Variants in DGKI observed in about 807,000 individuals in gnomAD.
DGKI encodes the protein diacylglycerol kinase iota.
DGKI carries 55 observed loss-of-function variants against 147.5 expected under a neutral mutation model. That is an observed-to-expected ratio of 0.37 (90% CI 0.30 to 0.47). The LOEUF (loss-of-function observed/expected upper bound fraction) is 0.47, where lower values mean the gene tolerates loss of function less well. DGKI is among the 20% of genes least tolerant of loss of function. The pLI is 1.00. For missense variants in DGKI, 1,007 were observed against 1,323.8 expected (o/e 0.76, Z 3.71); for synonymous variants, 469 against 477.1 (o/e 0.98, Z 0.22).
chr7:137,608,446 T>C (rs551927617), intron 10 of DGKI, among the ~76,000 whole-genome samples: 56 of 152,310 alleles, frequency 3.7e-4, no homozygotes, highest in African/African-American at 1.3e-3. Context: ...ATCTGTACTA[T>C]TGGATTTGGG....
chr7:137,585,330 G>A lies in DGKI; in HGVS notation c.1442C>T (p.Pro481Leu). 6.2e-7 allele frequency: 1 copy of A among 1,614,156 alleles called. No homozygotes were observed. Among genetic ancestry groups the A allele is most frequent in the Non-Finnish European group, 8.5e-7 (1 of 1,180,012 alleles). ...CACTTGACACAGGATCTTAGAAACA[G>A]GTTCATCAGTGTAGCCCTGAGGAAT... ...LNWGGGYTDEPVSKILCQVED... is the reference protein window; with the variant it reads ...LNWGGGYTDELVSKILCQVED... Residue 481 changes from proline to leucine, a missense_variant, in exon 14 of 33, where the codon CCT becomes CTT. This residue lies in a region of DGKI where 224 missense variants were observed against 382.7 expected (regional missense o/e 0.59). Coordinates refer to ENST00000614521, the MANE Select transcript of DGKI (RefSeq NM_001321708.2).
At chr7:137,834,228 G>A (rs553452485) in intron 1 of DGKI, among the ~76,000 whole-genome samples, 24 of 152,200 alleles carry the variant, frequency 1.6e-4, no homozygotes, top group African/African-American at 4.3e-4. Flanking sequence ...CATTTCTATG[G>A]GTTTTATGCC....
chr7:137,672,407 A>G (rs1822873992), intron 3 of DGKI, among the ~76,000 whole-genome samples: 1 of 152,194 alleles, frequency 6.6e-6, no homozygotes, highest in Admixed American at 6.5e-5. Context: ...ATCAGAGATG[A>G]TGAGTATGAG....
rs566603026 is a variant in DGKI, at chr7:137,517,636, T to A, written c.2248+4230A>T. Reference sequence around the variant, plus strand: ...ACAATGAGAAAAACTGGGGGAGGAATGCACAGGAATGCCCTGTATTACCTT... The same window carrying A: ...ACAATGAGAAAAACTGGGGGAGGAAAGCACAGGAATGCCCTGTATTACCTT... On this transcript the variant is annotated intron_variant, in intron 21 of 32. Transcript: ENST00000614521. Among the ~76,000 whole-genome samples, 15 of 152,244 alleles carry A rather than the reference T, an allele frequency of 9.9e-5. No individual in the cohort carries two copies. The East Asian group carries it at 2.7e-3, about 27-fold the overall frequency.
At chr7:137,816,640 A>G (rs532710708) in intron 1 of DGKI, among the ~76,000 whole-genome samples, 42 of 152,358 alleles carry the variant, frequency 2.8e-4, no homozygotes, top group African/African-American at 9.9e-4. Context: ...GAGGAGAGAC[A>G]GATAATAAAA....
intron 18 of DGKI, 76 bp downstream of exon 18, chr7:137,572,689 C>A: frequency 9.8e-7 from 1 of 1,020,290 alleles, no homozygotes; most frequent in Non-Finnish European, 1.5e-6. Flanking sequence ...ACATCTGAAA[C>A]TTTTCTGTTA....
intron 6 of DGKI, among the ~76,000 whole-genome samples, chr7:137,629,159 C>T (rs1424975113): frequency 2.6e-5 from 4 of 151,690 alleles, no homozygotes; most frequent in Admixed American, 6.6e-5. Context: ...AATTTGCTTT[C>T]GTTAATATTT....
At chr7:137,545,180 G>T (rs949332690) in intron 20 of DGKI, among the ~76,000 whole-genome samples, 1 of 152,146 alleles carries the variant, frequency 6.6e-6, no homozygotes, top group African/African-American at 2.4e-5. Flanking sequence ...TATGGCCAAA[G>T]GTTGTTGGGA....
At chr7:137,712,974 C>T (rs1484212222) in intron 1 of DGKI, among the ~76,000 whole-genome samples, 1 of 152,092 alleles carries the variant, frequency 6.6e-6, no homozygotes, top group African/African-American at 2.4e-5. Flanking sequence ...CTTGGAATTT[C>T]TAAGTAACAA....
chr7:137,582,878 TTAAAG>T (rs1344310508), intron 14 of DGKI, among the ~76,000 whole-genome samples: 1 of 152,168 alleles, frequency 6.6e-6, no homozygotes, highest in African/African-American at 2.4e-5. Context: ...AAGGTAAATA[TTAAAG>T]TAAATAAAGA....
At chr7:137,672,867 G>A (rs987894550) in intron 3 of DGKI, among the ~76,000 whole-genome samples, 15 of 136,764 alleles carry the variant, frequency 1.1e-4, no homozygotes, top group Admixed American at 4.9e-4. Context: ...CGCAACCTCC[G>A]CCTCCTGGGT....
intron 6 of DGKI, among the ~76,000 whole-genome samples, chr7:137,629,917 C>G (rs888100743): frequency 9.2e-5 from 14 of 152,242 alleles, no homozygotes; most frequent in Middle Eastern, 3.4e-3. Flanking sequence ...CTTTGCAAAA[C>G]TAGGGTTTAT....
intron 23 of DGKI, among the ~76,000 whole-genome samples, chr7:137,477,243 C>G (rs996983605): frequency 6.6e-6 from 1 of 152,082 alleles, no homozygotes; most frequent in Non-Finnish European, 1.5e-5. Context: ...AACCCCAACC[C>G]AGACACAGGA....
In DGKI at chr7:137,563,542, T is replaced by TA. The variant is rs540627378; in HGVS notation, c.1947+7632dup. The stretch of plus-strand genomic sequence containing the variant: ...TTGCAGAAAAACCTAAGGAATCTAT[T>TA]AAAAAAAACAAGCTACTGGATCTAA... On this transcript the variant is annotated intron_variant, in intron 19 of 32. Transcript: ENST00000614521. 1.9e-4 allele frequency among the ~76,000 whole-genome samples: 29 copies of TA among 151,736 alleles called. No homozygotes were observed. The South Asian group carries it at 3.7e-3, about 20-fold the overall frequency.
chr7:137,522,561 G>A (rs1816999313), intron 20 of DGKI, among the ~76,000 whole-genome samples: 1 of 152,052 alleles, frequency 6.6e-6, no homozygotes, highest in Non-Finnish European at 1.5e-5. Flanking sequence ...GAAGAAAAAT[G>A]TTTAAATATG....
At chr7:137,583,865 T>G (rs1316265828) in intron 14 of DGKI, among the ~76,000 whole-genome samples, 3 of 152,146 alleles carry the variant, frequency 2.0e-5, no homozygotes, top group African/African-American at 7.2e-5. Context: ...CATTGTGACA[T>G]TATAAACTTG....
At chr7:137,656,574 T>G (rs150883068) in intron 3 of DGKI, 34 bp from the exon 4 acceptor site, 2 of 1,605,574 alleles carry the variant, frequency 1.2e-6, no homozygotes, top group Non-Finnish European at 1.7e-6. Flanking sequence ...AAAAAAGAAA[T>G]GTTAACAGTC....
At chr7:137,787,151 C>G (rs1796699843) in intron 1 of DGKI, among the ~76,000 whole-genome samples, 1 of 152,054 alleles carries the variant, frequency 6.6e-6, no homozygotes, top group African/African-American at 2.4e-5. Flanking sequence ...ACCTTCTGCA[C>G]AGCAAAAGAA....
chr7:137,638,611 TACACAC>T (rs1216708043), intron 6 of DGKI, among the ~76,000 whole-genome samples: 20 of 5,316 alleles, frequency 3.8e-3, no homozygotes, highest in Admixed American at 8.7e-3. Context: ...TGTATATATA[TACACAC>T]ACACATATAT....
Sources: gnomAD v4.1 joint callset for allele counts (sites outside exome capture counted in the v4.1 genomes callset) on GRCh38, gnomAD v4.1.1 for gene constraint, gnomAD v4.1.1 regional missense constraint, MANE v1.5 for transcripts, NCBI Gene and HGNC (gene_info 2026-07-23, HGNC 2026-07-21) for gene names.